The following SAMD4A variants were observed in gnomAD, a reference collection of about 807,000 sequenced individuals.
The protein encoded by SAMD4A is protein Smaug homolog 1.
SAMD4A carries 33 observed loss-of-function variants against 81.3 expected under a neutral mutation model. The ratio of observed to expected loss-of-function variants is 0.41; its 90% CI spans 0.31 to 0.54. The LOEUF (loss-of-function observed/expected upper bound fraction) is 0.54, where lower values mean the gene tolerates loss of function less well. Among genes scored for constraint, SAMD4A ranks in the 20% least tolerant of loss-of-function variants. The pLI, the probability that SAMD4A is intolerant of heterozygous loss-of-function variation, is 0.37. For synonymous variants in SAMD4A, 389 were observed against 382.1 expected (o/e 1.02, Z -0.21); for missense variants, 854 against 951.1 (o/e 0.90, Z 1.34).
intron 2 of SAMD4A, among the ~76,000 whole-genome samples, chr14:54,648,715 TG>T (rs1175677141): frequency 5.9e-5 from 9 of 152,066 alleles, no homozygotes; most frequent in African/African-American, 2.2e-4. Context: ...AGGAGCTGTG[TG>T]GGTCGTGTAA....
At chr14:54,623,642 A>G (rs910084508) in intron 2 of SAMD4A, among the ~76,000 whole-genome samples, 2 of 119,134 alleles carry the variant, frequency 1.7e-5, no homozygotes, top group Admixed American at 8.3e-5. Flanking sequence ...GGTGGGGACA[A>G]GGATATGCCT....
At chr14:54,591,429 A>G (rs2033771487) in intron 2 of SAMD4A, among the ~76,000 whole-genome samples, 1 of 152,228 alleles carries the variant, frequency 6.6e-6, no homozygotes, top group African/African-American at 2.4e-5. Flanking sequence ...CAGGCAACAG[A>G]GAAATAAAAA....
At chr14:54,660,237 A>G (rs1032518863) in intron 2 of SAMD4A, among the ~76,000 whole-genome samples, 8 of 152,196 alleles carry the variant, frequency 5.3e-5, no homozygotes, top group South Asian at 2.1e-4. Flanking sequence ...TCATAGGAAC[A>G]TGGGAAGTAG....
At chr14:54,697,163 T>A (rs1232482884) in intron 2 of SAMD4A, among the ~76,000 whole-genome samples, 1 of 152,110 alleles carries the variant, frequency 6.6e-6, no homozygotes, top group Admixed American at 6.5e-5. Flanking sequence ...GCATGTAGGG[T>A]CTGGCTTCCG....
intron 2 of SAMD4A, among the ~76,000 whole-genome samples, chr14:54,662,347 G>A (rs919691286): frequency 6.6e-6 from 1 of 151,766 alleles, no homozygotes; most frequent in Non-Finnish European, 1.5e-5. Flanking sequence ...ATTAAAGAGT[G>A]TATGATTATT....
At chr14:54,729,360 G>A (rs28499042) in intron 3 of SAMD4A, among the ~76,000 whole-genome samples, 2,852 of 152,270 alleles carry the variant, frequency 0.019, 63 homozygotes, top group African/African-American at 0.059. Flanking sequence ...TTTAAGAAAA[G>A]GGTAGGAGGC....
At position 54,642,244 on chromosome 14, in the gene SAMD4A, T is replaced by C. The variant is rs2035191227; in HGVS notation, c.197-59818T>C. 1.1e-4 allele frequency among the ~76,000 whole-genome samples: 16 copies of C among 152,180 alleles called. No homozygotes were observed. The South Asian group carries it at 3.3e-3, about 32-fold the overall frequency. ...TGGCATCTCACTAAGGGCAGGGGACTAAGGTCATGATAATGTGGAGGAGGC... is the reference window on the plus strand; with the variant it reads ...TGGCATCTCACTAAGGGCAGGGGACCAAGGTCATGATAATGTGGAGGAGGC... On this transcript the variant is annotated intron_variant, in intron 2 of 12. Transcript: ENST00000554335.
intron 2 of SAMD4A, among the ~76,000 whole-genome samples, chr14:54,593,822 G>A (rs2033844077): frequency 6.6e-6 from 1 of 152,208 alleles, no homozygotes; most frequent in South Asian, 2.1e-4. Context: ...GCAGTGGGGA[G>A]AGATGGTCTT....
chr14:54,686,687 G>A (rs540770726), intron 2 of SAMD4A, among the ~76,000 whole-genome samples: 2 of 152,182 alleles, frequency 1.3e-5, no homozygotes, highest in African/African-American at 4.8e-5. Flanking sequence ...GGGAGGGACC[G>A]AAGCCAAGTC....
chr14:54,719,636 A>G (rs1228283104), intron 3 of SAMD4A, among the ~76,000 whole-genome samples: 3 of 152,198 alleles, frequency 2.0e-5, no homozygotes, highest in South Asian at 2.1e-4. Flanking sequence ...GTCTTGGGCA[A>G]TATCAAGCTG....
intron 2 of SAMD4A, among the ~76,000 whole-genome samples, chr14:54,617,492 G>C (rs1033247202): frequency 6.6e-6 from 1 of 151,852 alleles, no homozygotes; most frequent in African/African-American, 2.4e-5. Flanking sequence ...AGAGAAAAGT[G>C]GGGGAGCAAG....
chr14:54,772,701 G>T lies in SAMD4A; in HGVS notation c.1716-2233G>T, dbSNP rs115978754. On this transcript the variant is annotated intron_variant, in intron 9 of 12. Transcript: ENST00000554335. The stretch of plus-strand genomic sequence containing the variant: ...TTTAAAAATCCAACCAAAAAGGAAA[G>T]TGAGAAAACGCTATCCACGCTAAAT... Among the ~76,000 whole-genome samples, 949 of 152,230 alleles carry T rather than the reference G, an allele frequency of 6.2e-3. 11 individuals carry two copies. Among genetic ancestry groups the T allele is most frequent in the African/African-American group, 0.022 (907 of 41,532 alleles).
At chr14:54,688,303 A>T in intron 2 of SAMD4A, 1 of 985,492 alleles carries the variant, frequency 1.0e-6, no homozygotes, top group Non-Finnish European at 1.2e-6. Context: ...GTTTAGAGGT[A>T]ACGTACTGGC....
intron 11 of SAMD4A, 37 bp from the exon 12 acceptor site, chr14:54,784,500 C>A (rs1434473603): frequency 6.2e-7 from 1 of 1,613,522 alleles, no homozygotes; most frequent in South Asian, 1.1e-5. Context: ...CTGCTTATCT[C>A]CTCCTTGTCA....
At position 54,732,839 on chromosome 14, in the gene SAMD4A, A is replaced by T. The variant is rs369086920; in HGVS notation, c.716-4185A>T. 7.2e-5 allele frequency among the ~76,000 whole-genome samples: 11 copies of T among 152,312 alleles called. No homozygotes were observed. The South Asian group carries it at 2.3e-3, about 32-fold the overall frequency. On this transcript the variant is annotated intron_variant, in intron 3 of 12. Coordinates refer to ENST00000554335, the MANE Select transcript of SAMD4A (RefSeq NM_015589.6). ...CTTATTTCTCATATTAGAAGGCAGAAAAAAGGTAGTTATAGTTAATTTTCC... is the reference window on the plus strand; with the variant it reads ...CTTATTTCTCATATTAGAAGGCAGATAAAAGGTAGTTATAGTTAATTTTCC...
rs1347284456 is a variant in SAMD4A at position 54,790,808 on chromosome 14, A to G, written c.*1864A>G. 2 of 151,978 alleles carry G rather than the reference A, an allele frequency of 1.3e-5. No homozygotes were observed. The highest frequency in any genetic ancestry group is 4.8e-5 in the African/African-American group (2 of 41,344). The allele number at this position is 151,978 out of a possible 1,614,324, so 9.4% of individuals were successfully genotyped here. A position where few individuals can be genotyped will look rare whatever the true frequency, so the allele number is the denominator to read the frequency against. Reference sequence around the variant, plus strand: ...ATACAGACCTAAAAGGCCTTAATGAAATCCGAACAATTTTCTTTTACTTTC... The same window carrying G: ...ATACAGACCTAAAAGGCCTTAATGAGATCCGAACAATTTTCTTTTACTTTC... On this transcript the variant is annotated 3_prime_UTR_variant, in exon 13 of 13. Transcript: ENST00000554335.
At chr14:54,601,874 T>C (rs755812145) in intron 2 of SAMD4A, among the ~76,000 whole-genome samples, 17 of 152,216 alleles carry the variant, frequency 1.1e-4, no homozygotes, top group Admixed American at 6.5e-4. Context: ...ATTAGAGTTG[T>C]AAAACTACAG....
rs932651719 is a variant in SAMD4A, at chr14:54,789,730, G to A, written c.*786G>A. 6.6e-5 allele frequency: 10 copies of A among 152,226 alleles called. No individual in the cohort carries two copies. The highest frequency in any genetic ancestry group is 1.9e-4 in the African/African-American group (8 of 41,448). The allele number at this position is 152,226 out of a possible 1,614,324, so 9.4% of individuals were successfully genotyped here. On this transcript the variant is annotated 3_prime_UTR_variant, in exon 13 of 13. Coordinates refer to ENST00000554335, the MANE Select transcript of SAMD4A (RefSeq NM_015589.6). ...ACGGCTGCCAAGCTCTGCTTCTTGGGAAGATGGATGCAGTCATGTAGGCCT... is the reference window on the plus strand; with the variant it reads ...ACGGCTGCCAAGCTCTGCTTCTTGGAAAGATGGATGCAGTCATGTAGGCCT...
intron 2 of SAMD4A, among the ~76,000 whole-genome samples, chr14:54,613,223 G>A (rs1035548595): frequency 6.6e-6 from 1 of 152,118 alleles, no homozygotes; most frequent in African/African-American, 2.4e-5. Context: ...AAAAGAAAGT[G>A]AAGCCAAGGA....
Sources: gnomAD v4.1 joint callset for allele counts (sites outside exome capture counted in the v4.1 genomes callset) on GRCh38, gnomAD v4.1.1 for gene constraint, MANE v1.5 for transcripts, NCBI Gene and HGNC (gene_info 2026-07-23, HGNC 2026-07-21) for gene names.